EPB41L4A: variants seen among roughly 807,000 people sequenced by gnomAD.
EPB41L4A encodes the protein erythrocyte membrane protein band 4.1 like 4A.
EPB41L4A carries 100 observed loss-of-function variants against 108.6 expected under a neutral mutation model. That is an observed-to-expected ratio of 0.92 (90% CI 0.78 to 1.09). The LOEUF (loss-of-function observed/expected upper bound fraction) is 1.09, where lower values mean the gene tolerates loss of function less well. EPB41L4A is among the 50% of genes least tolerant of loss of function. The pLI, the probability that EPB41L4A is intolerant of heterozygous loss-of-function variation, is 0.00. For missense variants in EPB41L4A, 1,030 were observed against 842.7 expected (o/e 1.22, Z -2.75); for synonymous variants, 319 against 289.0 (o/e 1.10, Z -1.05).
intron 1 of EPB41L4A, among the ~76,000 whole-genome samples, chr5:112,320,413 G>A (rs985980327): frequency 2.0e-5 from 3 of 152,178 alleles, no homozygotes; most frequent in Non-Finnish European, 4.4e-5. Context: ...AGTGACCCAA[G>A]AAACATTTCA....
chr5:112,177,966 C>T (rs1054123503), intron 18 of EPB41L4A, among the ~76,000 whole-genome samples: 1 of 150,648 alleles, frequency 6.6e-6, no homozygotes, highest in Non-Finnish European at 1.5e-5. Flanking sequence ...ATTTATATCG[C>T]AAAATACAAA....
At chr5:112,240,949 T>C in intron 9 of EPB41L4A, 139 bp from the exon 10 acceptor site, 1 of 545,032 alleles carries the variant, frequency 1.8e-6, no homozygotes, top group Non-Finnish European at 3.2e-6. Flanking sequence ...TGTCTCTTGG[T>C]AACTATTTTT....
At chr5:112,350,520 G>C (rs557137943) in intron 1 of EPB41L4A, among the ~76,000 whole-genome samples, 1 of 152,150 alleles carries the variant, frequency 6.6e-6, no homozygotes, top group African/African-American at 2.4e-5. Flanking sequence ...GAAATATACA[G>C]CACAATTGTT....
chr5:112,150,130 G>A (rs1010661524), intron 12 of EPB41L4A, among the ~76,000 whole-genome samples: 1 of 152,114 alleles, frequency 6.6e-6, no homozygotes, highest in African/African-American at 2.4e-5. Flanking sequence ...GTAGGATGGG[G>A]TAAGAATTTA....
At chr5:112,240,545 C>T (rs1398851045) in intron 10 of EPB41L4A, among the ~76,000 whole-genome samples, 174 bp downstream of exon 10, 1 of 152,078 alleles carries the variant, frequency 6.6e-6, no homozygotes, top group Admixed American at 6.6e-5. Context: ...TATATATCTA[C>T]ACATACATGA....
intron 1 of EPB41L4A, among the ~76,000 whole-genome samples, chr5:112,337,398 A>G (rs1456224672): frequency 6.6e-6 from 1 of 152,170 alleles, no homozygotes; most frequent in African/African-American, 2.4e-5. Context: ...CGTGTTAAGC[A>G]CTGTTTTATC....
At chr5:112,301,478 G>C (rs1363145012) in intron 2 of EPB41L4A, among the ~76,000 whole-genome samples, 1 of 152,164 alleles carries the variant, frequency 6.6e-6, no homozygotes, top group African/African-American at 2.4e-5. Context: ...GGGGTTGTCT[G>C]CACAGAGTCC....
intron 1 of EPB41L4A, among the ~76,000 whole-genome samples, chr5:112,383,115 G>C (rs974722854): frequency 1.3e-5 from 2 of 152,192 alleles, no homozygotes; most frequent in Non-Finnish European, 2.9e-5. Flanking sequence ...ATACTCTCCA[G>C]TCATACAGGA....
At chr5:112,279,645 T>C (rs1752840326) in intron 3 of EPB41L4A, among the ~76,000 whole-genome samples, 1 of 152,158 alleles carries the variant, frequency 6.6e-6, no homozygotes. Flanking sequence ...AGAGTATTTT[T>C]TGCGCACTTA....
intron 4 of EPB41L4A, among the ~76,000 whole-genome samples, chr5:112,266,779 A>G (rs1200050761): frequency 6.6e-6 from 1 of 152,214 alleles, no homozygotes; most frequent in African/African-American, 2.4e-5. Context: ...GACCCAACCT[A>G]TATTACATAA....
rs866994834 is a variant in EPB41L4A, at chr5:112,275,203, G to A, written c.335+123C>T. On this transcript the variant is annotated intron_variant, in intron 4 of 22. Coordinates refer to ENST00000261486, the MANE Select transcript of EPB41L4A (RefSeq NM_022140.5). ...TAGTTTAAATTTTACCCTCTAAGGA[G>A]ATGCGTTACAAAATGCAGGTAGACA... The A allele has an allele frequency of 7.4e-6, 9 of 1,218,236 alleles. No homozygotes were observed. The Middle Eastern group carries it at 1.6e-3, about 216-fold the overall frequency. 75.5% of individuals were successfully genotyped at this position (1,218,236 alleles called of 1,614,324 possible).
intron 1 of EPB41L4A, among the ~76,000 whole-genome samples, chr5:112,342,615 C>T (rs1260586650): frequency 6.6e-6 from 1 of 152,124 alleles, no homozygotes; most frequent in Non-Finnish European, 1.5e-5. Flanking sequence ...CCTAGTCGAG[C>T]AAGAGCAGTC....
chr5:112,155,661 G>C (rs1580330644), intron 12 of EPB41L4A, among the ~76,000 whole-genome samples: 1 of 152,136 alleles, frequency 6.6e-6, no homozygotes, highest in East Asian at 1.9e-4. Flanking sequence ...GAACTTTATA[G>C]AAAAGGAAGC....
At chr5:112,391,628 G>T (rs191513219) in intron 1 of EPB41L4A, among the ~76,000 whole-genome samples, 35 of 152,262 alleles carry the variant, frequency 2.3e-4, no homozygotes, top group African/African-American at 8.2e-4. Context: ...AAGCGATGGG[G>T]AGAATGGAAC....
chr5:112,231,295 T>C lies in EPB41L4A; in HGVS notation c.1087+3339A>G, dbSNP rs115621940. On this transcript the variant is annotated intron_variant, in intron 12 of 22. Coordinates refer to ENST00000261486, the MANE Select transcript of EPB41L4A (RefSeq NM_022140.5). ...GTAAGAAAAGCAAGTTGAAAACCCA[T>C]GATTGTACCACTTGTGTGAAAAAGA... 5.7e-3 allele frequency among the ~76,000 whole-genome samples: 861 copies of C among 152,314 alleles called. 7 individuals are homozygous for C. Among genetic ancestry groups the C allele is most frequent in the African/African-American group, 0.019 (809 of 41,554 alleles).
At chr5:112,153,316 G>A in intron 12 of EPB41L4A, among the ~76,000 whole-genome samples, 1 of 151,944 alleles carries the variant, frequency 6.6e-6, no homozygotes, top group South Asian at 2.1e-4. Context: ...ACGAGGTCAA[G>A]AGATGGAGAC....
chr5:112,419,046 T>C lies in EPB41L4A; in HGVS notation c.-7A>G. The C allele has an allele frequency of 2.5e-6, 4 of 1,609,104 alleles. No individual in the cohort carries two copies. Among genetic ancestry groups the C allele is most frequent in the Non-Finnish European group, 3.4e-6 (4 of 1,176,048 alleles). ...CAGCGCAGAAACAGCCCATGTCGGT[T>C]GTGGTCGTCTCCAGCCAGGAGAGAA... is the stretch of plus-strand genomic sequence containing the variant. On this transcript the variant is annotated 5_prime_UTR_variant, in exon 1 of 23. Transcript: ENST00000261486.
downstream of EPB41L4A, chr5:112,161,223 C>T (rs1181395619): frequency 7.0e-6 from 2 of 285,752 alleles, no homozygotes; most frequent in Admixed American, 4.8e-5. Flanking sequence ...TATAAAATAA[C>T]TTAAAAGCAG....
At chr5:112,203,971 G>A (rs912491681) in intron 15 of EPB41L4A, among the ~76,000 whole-genome samples, 5 of 151,640 alleles carry the variant, frequency 3.3e-5, no homozygotes, top group Non-Finnish European at 7.4e-5. Context: ...CCCAGGAGGC[G>A]GAGGTTGCAG....
Sources: allele counts gnomAD v4.1 joint callset (sites outside exome capture counted in the v4.1 genomes callset), GRCh38; gene constraint gnomAD v4.1.1; transcripts MANE v1.5; gene names NCBI Gene and HGNC (gene_info 2026-07-23, HGNC 2026-07-21).